GPHN: variants seen among roughly 807,000 people sequenced by gnomAD.
GPHN encodes gephyrin.
In GPHN, 17 loss-of-function variants were observed where a neutral mutation model predicts 95.5. The observed-to-expected ratio is 0.18, with a 90% CI of 0.12 to 0.27. The LOEUF is 0.27. GPHN is among the 10% of genes least tolerant of loss of function. The pLI, the probability that GPHN is intolerant of heterozygous loss-of-function variation, is 1.00. For synonymous variants in GPHN, 320 were observed against 322.5 expected, an observed-to-expected ratio of 0.99 and a Z score of 0.08; for missense variants, 660 against 978.1, an observed-to-expected ratio of 0.67 and a Z score of 4.34.
the GPHN span, chr14:67,353,694 C>T: frequency 0.081 from 12,250 of 152,144 alleles, 1,167 homozygotes; most frequent in African/African-American, 0.23. Flanking sequence ...TTTCACCATA[C>T]TGACCAGGCT....
At chr14:67,092,316 T>C (rs1481856388) in intron 12 of GPHN, among the ~76,000 whole-genome samples, 1 of 152,102 alleles carries the variant, frequency 6.6e-6, no homozygotes, top group Non-Finnish European at 1.5e-5. Flanking sequence ...AGAATATCCT[T>C]GAGGCCAATT....
At chr14:66,877,172 G>A (rs770242630) in intron 4 of GPHN, among the ~76,000 whole-genome samples, 19 of 152,076 alleles carry the variant, frequency 1.2e-4, no homozygotes, top group Non-Finnish European at 2.2e-4. Flanking sequence ...AAAGTCCTCC[G>A]ATAAAATTCA....
the GPHN span, among the ~76,000 whole-genome samples, chr14:67,299,334 G>A: frequency 0.15 from 23,496 of 152,048 alleles, 3,405 homozygotes; most frequent in East Asian, 0.41. Context: ...AACAAGTAGC[G>A]AAATGTAGGA....
chr14:66,861,411 A>G (rs1364169295), intron 4 of GPHN, among the ~76,000 whole-genome samples: 2 of 152,098 alleles, frequency 1.3e-5, no homozygotes, highest in Non-Finnish European at 2.9e-5. Context: ...AGACTTCAAC[A>G]CCCTACTTTC....
chr14:67,203,738 A>G, the GPHN span, among the ~76,000 whole-genome samples: 2 of 152,196 alleles, frequency 1.3e-5, no homozygotes. Context: ...TTTGAGATGG[A>G]GTCTTGCACT....
chr14:66,869,829 A>G (rs1381841302), intron 4 of GPHN, among the ~76,000 whole-genome samples: 3 of 152,210 alleles, frequency 2.0e-5, no homozygotes, highest in African/African-American at 7.2e-5. Context: ...TATTACCTCC[A>G]TTATATTCAT....
chr14:67,577,426 TGGCGGCCAGGCCCACC>T, the GPHN span: 1 of 1,518,422 alleles, frequency 6.6e-7, no homozygotes, highest in Non-Finnish European at 9.0e-7. Flanking sequence ...TAAATTGGGG[TGGCGGCCAGGCCCACC>T]GCTGGGATAC....
At chr14:66,942,505 C>T (rs1202074949) in intron 8 of GPHN, among the ~76,000 whole-genome samples, 2 of 152,108 alleles carry the variant, frequency 1.3e-5, no homozygotes, top group East Asian at 3.9e-4. Context: ...CAAAAATTGT[C>T]TGAATAACAA....
chr14:66,626,152 C>G (rs563151849), intron 1 of GPHN, among the ~76,000 whole-genome samples: 1 of 152,258 alleles, frequency 6.6e-6, no homozygotes, highest in Non-Finnish European at 1.5e-5. Context: ...TAAGGTGCTT[C>G]TCCTCTACCA....
the GPHN span, among the ~76,000 whole-genome samples, chr14:67,388,627 T>G: frequency 6.6e-6 from 1 of 152,200 alleles, no homozygotes; most frequent in African/African-American, 2.4e-5. Flanking sequence ...TTCACTGGCT[T>G]CCTTAACCCT....
chr14:67,730,834 C>T, the GPHN span, among the ~76,000 whole-genome samples: 1 of 152,156 alleles, frequency 6.6e-6, no homozygotes, highest in African/African-American at 2.4e-5. Context: ...GAACTCCTGA[C>T]GTCAGTTGAT....
At chr14:66,860,694 C>T (rs1201072574) in intron 4 of GPHN, among the ~76,000 whole-genome samples, 1 of 151,798 alleles carries the variant, frequency 6.6e-6, no homozygotes, top group Non-Finnish European at 1.5e-5. Flanking sequence ...CTTTTCAAGA[C>T]GTAATAAGAC....
the GPHN span, chr14:67,659,909 T>C: frequency 6.2e-7 from 1 of 1,613,140 alleles, no homozygotes; most frequent in Non-Finnish European, 8.5e-7. Flanking sequence ...TAGCTCCTCC[T>C]CCATCTCTGC....
the GPHN span, among the ~76,000 whole-genome samples, chr14:67,686,701 T>A: frequency 6.6e-6 from 1 of 150,704 alleles, no homozygotes; most frequent in Non-Finnish European, 1.5e-5. Flanking sequence ...CTTTTGCACA[T>A]GCTATTTCAG....
intron 6 of GPHN, among the ~76,000 whole-genome samples, chr14:66,917,385 A>T (rs551044701): frequency 6.6e-6 from 1 of 152,206 alleles, no homozygotes; most frequent in Non-Finnish European, 1.5e-5. Flanking sequence ...TCTTTCAAGC[A>T]TCTGTTACAG....
At chr14:67,331,349 G>A in the GPHN span, among the ~76,000 whole-genome samples, 3 of 152,116 alleles carry the variant, frequency 2.0e-5, no homozygotes, top group East Asian at 1.9e-4. Flanking sequence ...GCTGGTATTG[G>A]TATTTCTAAT....
the GPHN span, among the ~76,000 whole-genome samples, chr14:67,339,178 G>A: frequency 6.6e-6 from 1 of 151,964 alleles, no homozygotes; most frequent in Admixed American, 6.6e-5. Flanking sequence ...TGTATTTTTA[G>A]TAGAGACGGA....
chr14:66,848,014 T>G (rs2062410912), intron 4 of GPHN, among the ~76,000 whole-genome samples: 1 of 151,958 alleles, frequency 6.6e-6, no homozygotes, highest in African/African-American at 2.4e-5. Flanking sequence ...CATGTAACAA[T>G]CTTTAATTTT....
intron 2 of GPHN, among the ~76,000 whole-genome samples, chr14:66,715,873 G>T (rs7148844): frequency 0.31 from 47,166 of 151,758 alleles, 11,128 homozygotes; most frequent in African/African-American, 0.64. Context: ...TTTCTTAAAT[G>T]TATTGAGGCT....
Sources: gnomAD v4.1 joint callset for allele counts (sites outside exome capture counted in the v4.1 genomes callset) on GRCh38, gnomAD v4.1.1 for gene constraint, MANE v1.5 for transcripts, NCBI Gene and HGNC (gene_info 2026-07-23, HGNC 2026-07-21) for gene names.